Variants in PTPRB observed in about 807,000 individuals in gnomAD.
PTPRB encodes protein tyrosine phosphatase receptor type B.
Under a neutral mutation model 238.1 loss-of-function variants are expected in PTPRB, and 97 were observed. That is an observed-to-expected ratio of 0.41 (90% CI 0.35 to 0.48). The LOEUF is 0.48. PTPRB is among the 20% of genes least tolerant of loss of function. The pLI, the probability that PTPRB is intolerant of heterozygous loss-of-function variation, is 0.30. For missense variants in PTPRB, 2,292 were observed against 2,681.9 expected (o/e 0.85, Z 3.21); for synonymous variants, 970 against 995.4 (o/e 0.97, Z 0.48).
rs1202228021 is a variant in PTPRB, at chr12:70,520,897, T to A, written c.*592A>T. 1 of 152,390 alleles carries A rather than the reference T, an allele frequency of 6.6e-6. No individual in the cohort carries two copies. The highest frequency in any genetic ancestry group is 1.5e-5 in the Non-Finnish European group (1 of 68,206). The allele number at this position is 152,390 out of a possible 1,614,324, so 9.4% of individuals were successfully genotyped here. ...AAGGAGAAAGGAGAGAGAGAGCAAC[T>A]AGTTCAGACACAAGCATCTAGTTCA... On this transcript the variant is annotated 3_prime_UTR_variant, in exon 34 of 34. Transcript: ENST00000334414.
intron 29 of PTPRB, among the ~76,000 whole-genome samples, chr12:70,535,522 A>G (rs1873992524): frequency 6.6e-6 from 1 of 152,178 alleles, no homozygotes; most frequent in Non-Finnish European, 1.5e-5. Context: ...TAGGCACTTT[A>G]TACGTAATCT....
chr12:70,560,596 T>TA lies in PTPRB; in HGVS notation c.4432+74dup. On this transcript the variant is annotated intron_variant, in intron 17 of 33. Coordinates refer to ENST00000334414, the MANE Select transcript of PTPRB (RefSeq NM_001109754.4). The surrounding 1 kb of genome is among the most constrained non-coding windows in gnomAD (Gnocchi z 4.2). ...CATTATTGGCTTTATCTCTTGTCAT[T>TA]AAAATCAGAATCAAAATGTGTCTCT... 1.1e-5 allele frequency: 18 copies of TA among 1,572,492 alleles called. No individual in the cohort carries two copies. Among genetic ancestry groups the TA allele is most frequent in the Non-Finnish European group, 1.6e-5 (18 of 1,156,740 alleles).
chr12:70,559,546 T>A lies in PTPRB; in HGVS notation c.4511A>T (p.Asp1504Val), dbSNP rs766378234. The A allele has an allele frequency of 2.5e-6, 4 of 1,613,874 alleles. 1 individual carries two copies. The South Asian group carries it at 4.4e-5, about 18-fold the overall frequency. ...CTCAAAGTCGTTGTAGTCTGTCCAG[T>A]CTGGGGGCCCTTTCCACGTGATGGC... ...SLAITWKGPP[D>V]WTDYNDFELQ... is the part of the protein sequence containing the mutation. Residue 1504 changes from aspartate to valine, a missense_variant, in exon 18 of 34, where the codon GAC becomes GTC. Asp to Val is a radical substitution (Grantham distance 152). Around this residue, in one of 4 missense-constraint regions of PTPRB, gnomAD observed 683 missense variants for 862.0 expected, o/e 0.79. Coordinates refer to ENST00000334414, the MANE Select transcript of PTPRB (RefSeq NM_001109754.4).
intron 10 of PTPRB, among the ~76,000 whole-genome samples, chr12:70,577,247 T>A (rs192192408): frequency 1.2e-4 from 18 of 152,266 alleles, no homozygotes; most frequent in Non-Finnish European, 2.1e-4. Flanking sequence ...AAACCTATCT[T>A]GGAAGTAAGA....
intron 4 of PTPRB, among the ~76,000 whole-genome samples, chr12:70,608,229 T>C (rs1884125808): frequency 6.6e-6 from 1 of 152,186 alleles, no homozygotes; most frequent in African/African-American, 2.4e-5. Flanking sequence ...TTGCAACAAA[T>C]AGAGATAATG....
In PTPRB at chr12:70,563,122, G is replaced by T; in HGVS notation, c.3905-15C>A. On this transcript the variant is annotated splice_polypyrimidine_tract_variant and intron_variant, in intron 15 of 33. Coordinates refer to ENST00000334414, the MANE Select transcript of PTPRB (RefSeq NM_001109754.4). ...AGCTGCTGGGACTGGAAAAGTCGAG[G>T]AGCAAGAGAATGAGGGAGGGAAATG... The T allele has an allele frequency of 6.2e-7, 1 of 1,603,760 alleles. No individual in the cohort carries two copies. The highest frequency in any genetic ancestry group is 1.1e-5 in the South Asian group (1 of 89,866).
At chr12:70,567,200 T>G (rs1461227312) in intron 14 of PTPRB, among the ~76,000 whole-genome samples, 1 of 152,248 alleles carries the variant, frequency 6.6e-6, no homozygotes, top group African/African-American at 2.4e-5. Context: ...ATTGTTATTA[T>G]AATAATATTT....
chr12:70,631,429 C>A (rs1043016521), intron 2 of PTPRB, among the ~76,000 whole-genome samples: 13 of 152,050 alleles, frequency 8.5e-5, no homozygotes, highest in African/African-American at 3.1e-4. Flanking sequence ...AAAATCAATT[C>A]AAGATGGATT....
chr12:70,537,751 A>C (rs1287254059), intron 28 of PTPRB, among the ~76,000 whole-genome samples: 4 of 152,176 alleles, frequency 2.6e-5, no homozygotes, highest in Non-Finnish European at 5.9e-5. Context: ...CAAGATGCTA[A>C]CCAAAACCAG....
intron 11 of PTPRB, among the ~76,000 whole-genome samples, chr12:70,574,525 G>GA (rs1880471748): frequency 6.6e-6 from 1 of 152,190 alleles, no homozygotes; most frequent in Admixed American, 6.5e-5. Flanking sequence ...ATTACAGGAA[G>GA]AAAAACCTGG....
chr12:70,554,403 A>G (rs1018946139), intron 20 of PTPRB, among the ~76,000 whole-genome samples: 10 of 152,186 alleles, frequency 6.6e-5, no homozygotes, highest in Admixed American at 2.0e-4. Flanking sequence ...GAAATAACAC[A>G]CAAGACCTCA....
chr12:70,565,177 C>T (rs1879127055), intron 15 of PTPRB, among the ~76,000 whole-genome samples: 1 of 151,938 alleles, frequency 6.6e-6, no homozygotes, highest in African/African-American at 2.4e-5. Context: ...CAATCCATTC[C>T]CCCATTGCTA....
In PTPRB at chr12:70,594,501, C is replaced by G. The variant is rs747014429; in HGVS notation, c.1482G>C (p.Gly494=). 1 of 1,614,002 alleles carries G rather than the reference C, an allele frequency of 6.2e-7. No individual in the cohort carries two copies. Among genetic ancestry groups the G allele is most frequent in the Non-Finnish European group, 8.5e-7 (1 of 1,179,880 alleles). ...YNLTVMTEAA[G]LQNYRWKLVR... ...CTAGTTTCCACCTGTAGTTTTGCAGCCCTGCAGCCTCAGTCATAACAGTGA... is the reference window on the plus strand; with the variant it reads ...CTAGTTTCCACCTGTAGTTTTGCAGGCCTGCAGCCTCAGTCATAACAGTGA... Residue 494 remains glycine, a synonymous_variant, in exon 6 of 34, where the codon GGG becomes GGC. Transcript: ENST00000334414.
At chr12:70,603,995 TTATATGCTATAAAAGCACAAAACA>T (rs1566002929) in intron 4 of PTPRB, among the ~76,000 whole-genome samples, 1 of 152,194 alleles carries the variant, frequency 6.6e-6, no homozygotes, top group East Asian at 1.9e-4. Flanking sequence ...TGGTAGTCTT[TTATATGCTATAAAAGCACAAAACA>T]GGCTGGCCAC....
intron 2 of PTPRB, among the ~76,000 whole-genome samples, chr12:70,631,682 T>A (rs1241168889): frequency 6.6e-6 from 1 of 152,202 alleles, no homozygotes; most frequent in Non-Finnish European, 1.5e-5. Flanking sequence ...TCTACCCATA[T>A]GACAAAGGGC....
intron 3 of PTPRB, 79 bp downstream of exon 3, chr12:70,622,311 T>C: frequency 1.3e-6 from 2 of 1,555,066 alleles, no homozygotes; most frequent in Admixed American, 3.6e-5. Flanking sequence ...CAGTGGCATT[T>C]TTAGCAAAGC....
intron 2 of PTPRB, among the ~76,000 whole-genome samples, chr12:70,630,684 T>A (rs1278790074): frequency 1.3e-5 from 2 of 151,136 alleles, no homozygotes; most frequent in Non-Finnish European, 3.0e-5. Flanking sequence ...AGTCTCAGCT[T>A]TGGGCTGAAA....
chr12:70,569,554 A>C, intron 14 of PTPRB, 121 bp downstream of exon 14: 2 of 1,199,372 alleles, frequency 1.7e-6, no homozygotes, highest in Non-Finnish European at 2.4e-6. Context: ...GAAACCATTG[A>C]ATTGTACAAA....
intron 2 of PTPRB, among the ~76,000 whole-genome samples, chr12:70,629,864 T>C (rs912844964): frequency 6.6e-6 from 1 of 152,216 alleles, no homozygotes; most frequent in African/African-American, 2.4e-5. Context: ...GATACATTCC[T>C]GGACTCATAA....
Sources: allele counts gnomAD v4.1 joint callset (sites outside exome capture counted in the v4.1 genomes callset), GRCh38; gene constraint gnomAD v4.1.1; regional missense constraint gnomAD v4.1.1; non-coding constraint Gnocchi (gnomAD v3.1); transcripts MANE v1.5; gene names NCBI Gene and HGNC (gene_info 2026-07-23, HGNC 2026-07-21).